The following PRKAR1B variants were observed in gnomAD, a reference collection of about 807,000 sequenced individuals.
PRKAR1B encodes cAMP-dependent protein kinase type I-beta regulatory subunit.
In PRKAR1B, 22 loss-of-function variants were observed where a neutral mutation model predicts 46.5. The ratio of observed to expected loss-of-function variants is 0.47; its 90% CI spans 0.34 to 0.68. The LOEUF is 0.68. Among genes scored for constraint, PRKAR1B ranks in the 30% least tolerant of loss-of-function variants. PRKAR1B has a pLI of 0.01. For missense variants in PRKAR1B, 445 were observed against 535.6 expected (o/e 0.83, Z 1.67); for synonymous variants, 259 against 217.7 (o/e 1.19, Z -1.67).
At chr7:629,704 C>G (rs775863678) in intron 4 of PRKAR1B, among the ~76,000 whole-genome samples, 1 of 61,774 alleles carries the variant, frequency 1.6e-5, no homozygotes, top group Non-Finnish European at 3.0e-5. Context: ...GGCTGGAAAA[C>G]GCTGCAGGAG....
chr7:671,332 C>G (rs1285307157), intron 4 of PRKAR1B, among the ~76,000 whole-genome samples: 1 of 152,244 alleles, frequency 6.6e-6, no homozygotes, highest in Non-Finnish European at 1.5e-5. Flanking sequence ...AAACATTTGC[C>G]TCTCACTGTG....
At chr7:725,199 G>C (rs931449549) in intron 1 of PRKAR1B, among the ~76,000 whole-genome samples, 6 of 145,010 alleles carry the variant, frequency 4.1e-5, no homozygotes, top group African/African-American at 1.5e-4. Context: ...GGGCGACAGA[G>C]CAAGATTCCA....
At chr7:675,296 C>A (rs991053734) in intron 4 of PRKAR1B, among the ~76,000 whole-genome samples, 1 of 152,238 alleles carries the variant, frequency 6.6e-6, no homozygotes. Context: ...GAGAACAATG[C>A]GTCTAGTGTG....
intron 1 of PRKAR1B, chr7:726,626 C>A: frequency 1.0e-6 from 1 of 997,274 alleles, no homozygotes; most frequent in East Asian, 3.4e-5. Context: ...AGTAGCCCGG[C>A]GCCCCGCCCG....
rs954388537 is a variant in PRKAR1B, at chr7:607,580, G to C, written c.441-128C>G. ...TTGGGGAAAATGAGAAAATCCATGA[G>C]AGTTCAAAGAAGAAAATTGAAATCC... On this transcript the variant is annotated intron_variant, in intron 4 of 10. Transcript: ENST00000537384. 1.1e-5 allele frequency: 9 copies of C among 835,122 alleles called. No homozygotes were observed. The African/African-American group carries it at 1.5e-4, about 14-fold the overall frequency. The allele number at this position is 835,122 out of a possible 1,614,324, so 51.7% of individuals were successfully genotyped here.
intron 7 of PRKAR1B, among the ~76,000 whole-genome samples, chr7:585,058 C>T (rs1441598594): frequency 1.3e-5 from 2 of 152,208 alleles, no homozygotes. Flanking sequence ...AAAGCCGATA[C>T]TTGACTTCCC....
chr7:645,756 G>A (rs1234451165), intron 4 of PRKAR1B, among the ~76,000 whole-genome samples: 2 of 152,044 alleles, frequency 1.3e-5, no homozygotes, highest in African/African-American at 4.8e-5. Context: ...AGGGGACCCT[G>A]GGATCCCGGA....
At chr7:556,969 C>T (rs1476379687) in intron 9 of PRKAR1B, among the ~76,000 whole-genome samples, 2 of 152,244 alleles carry the variant, frequency 1.3e-5, no homozygotes, top group Non-Finnish European at 2.9e-5. Flanking sequence ...CGCGGCCACT[C>T]AGCTGCCCCT....
intron 2 of PRKAR1B, among the ~76,000 whole-genome samples, chr7:692,447 G>C (rs1779486081): frequency 6.7e-6 from 1 of 149,188 alleles, no homozygotes; most frequent in Non-Finnish European, 1.5e-5. Context: ...AGAGAGAGAA[G>C]GAGAAGAGAA....
intron 9 of PRKAR1B, among the ~76,000 whole-genome samples, chr7:558,299 C>G (rs1251513426): frequency 1.5e-5 from 2 of 131,156 alleles, no homozygotes; most frequent in Non-Finnish European, 3.1e-5. Flanking sequence ...GCACTCCAGC[C>G]TGGGTGACAG....
intron 4 of PRKAR1B, among the ~76,000 whole-genome samples, chr7:642,768 C>T (rs995017918): frequency 1.3e-5 from 2 of 149,786 alleles, no homozygotes; most frequent in Non-Finnish European, 3.0e-5. Context: ...CAAACTCTGC[C>T]CCCTGCCGCA....
intron 4 of PRKAR1B, among the ~76,000 whole-genome samples, chr7:619,312 T>C (rs1012759416): frequency 5.3e-5 from 8 of 152,222 alleles, no homozygotes; most frequent in African/African-American, 1.9e-4. Flanking sequence ...TCCAGAAGCA[T>C]GAGACGCTTG....
At chr7:658,610 C>G (rs181170927) in intron 4 of PRKAR1B, among the ~76,000 whole-genome samples, 25 of 152,260 alleles carry the variant, frequency 1.6e-4, no homozygotes, top group Non-Finnish European at 2.9e-5. Context: ...AGCCACTCTT[C>G]TTTCATATAC....
intron 2 of PRKAR1B, among the ~76,000 whole-genome samples, chr7:701,566 A>G (rs1583440059): frequency 6.6e-6 from 1 of 152,340 alleles, no homozygotes; most frequent in South Asian, 2.1e-4. Flanking sequence ...AAGAAAATCA[A>G]ACTCAGACAC....
chr7:550,249 G>A lies in PRKAR1B; in HGVS notation c.*181C>T. On this transcript the variant is annotated 3_prime_UTR_variant, in exon 11 of 11. Transcript: ENST00000537384. Reference sequence around the variant, plus strand: ...TTTTGTCCGCTTGTCCTTTGATTTGGAAATGCACAAGGTGATCATTTATTC... The same window carrying A: ...TTTTGTCCGCTTGTCCTTTGATTTGAAAATGCACAAGGTGATCATTTATTC... 6.7e-6 allele frequency: 4 copies of A among 597,312 alleles called. No homozygotes were observed. The South Asian group carries it at 8.0e-5, about 12-fold the overall frequency. The allele number at this position is 597,312 out of a possible 1,614,324, so 37.0% of individuals were successfully genotyped here.
chr7:626,666 G>A (rs950303511), intron 4 of PRKAR1B, among the ~76,000 whole-genome samples: 8 of 148,906 alleles, frequency 5.4e-5, no homozygotes, highest in Admixed American at 2.0e-4. Flanking sequence ...GCTTTAACAC[G>A]AAAACAAATT....
chr7:716,791 C>G (rs1221941489), intron 1 of PRKAR1B: 1 of 152,206 alleles, frequency 6.6e-6, no homozygotes, highest in Non-Finnish European at 1.5e-5. Context: ...GGGTGCGGTT[C>G]CTGAGCCTTC....
intron 9 of PRKAR1B, among the ~76,000 whole-genome samples, chr7:569,317 A>G (rs1779363153): frequency 1.3e-5 from 2 of 152,126 alleles, no homozygotes; most frequent in Non-Finnish European, 2.9e-5. Flanking sequence ...GGCCGCCCCA[A>G]TTCACATCGA....
At chr7:650,186 G>T (rs1163035941) in intron 4 of PRKAR1B, among the ~76,000 whole-genome samples, 2 of 152,100 alleles carry the variant, frequency 1.3e-5, no homozygotes, top group Non-Finnish European at 2.9e-5. Flanking sequence ...GTGCAGGCAG[G>T]ACCCAGGTGT....
Sources: allele counts gnomAD v4.1 joint callset (sites outside exome capture counted in the v4.1 genomes callset), GRCh38; gene constraint gnomAD v4.1.1; transcripts MANE v1.5; gene names NCBI Gene and HGNC (gene_info 2026-07-23, HGNC 2026-07-21).